The following ISM1 variants were observed in gnomAD, a reference collection of about 807,000 sequenced individuals.
ISM1 encodes the protein isthmin 1, also known as isthmin-1.
In ISM1, 25 loss-of-function variants were observed where a neutral mutation model predicts 46.3. The ratio of observed to expected loss-of-function variants is 0.54; its 90% CI spans 0.39 to 0.75. The LOEUF (loss-of-function observed/expected upper bound fraction) is 0.75, where lower values mean the gene tolerates loss of function less well. Ranked by LOEUF, ISM1 falls within the 30% of genes least tolerant of loss-of-function variation. The pLI, the probability that ISM1 is intolerant of heterozygous loss-of-function variation, is 0.00. For synonymous variants in ISM1, 255 were observed against 256.7 expected (o/e 0.99, Z 0.06); for missense variants, 536 against 625.4 (o/e 0.86, Z 1.52).
At chr20:13,230,307 T>C (rs1409704855) in intron 1 of ISM1, among the ~76,000 whole-genome samples, 1 of 152,230 alleles carries the variant, frequency 6.6e-6, no homozygotes, top group Non-Finnish European at 1.5e-5. Flanking sequence ...CTTTTTTTTC[T>C]TCCCAGAGTT....
the ISM1 span, among the ~76,000 whole-genome samples, chr20:13,309,822 C>G: frequency 1.3e-5 from 2 of 150,800 alleles, no homozygotes; most frequent in Non-Finnish European, 2.9e-5. Flanking sequence ...AAAAAGAAAT[C>G]AAGAAAACAT....
At chr20:13,276,512 T>C (rs933452867) in intron 2 of ISM1, among the ~76,000 whole-genome samples, 3 of 152,258 alleles carry the variant, frequency 2.0e-5, no homozygotes, top group Admixed American at 2.0e-4. Context: ...GGGGAGATTG[T>C]GCCAGAAATT....
intron 2 of ISM1, 144 bp from the exon 3 acceptor site, chr20:13,279,490 T>G: frequency 1.3e-6 from 1 of 791,892 alleles, no homozygotes; most frequent in East Asian, 2.7e-5. Context: ...GGTTTTCCAT[T>G]GTGTATCGCC....
rs1478560898 is a variant in ISM1, at chr20:13,300,120, T to C, written c.*661T>C. On this transcript the variant is annotated 3_prime_UTR_variant, in exon 6 of 6. Transcript: ENST00000262487. ...TCTTCAGACTGGGTAGGGAATATGA[T>C]ATTTTAGGGACAAAGCTGAGGACTG... The C allele has an allele frequency of 6.6e-6, 1 of 152,202 alleles. No individual in the cohort carries two copies. Among genetic ancestry groups the C allele is most frequent in the African/African-American group, 2.4e-5 (1 of 41,438 alleles). The allele number at this position is 152,202 out of a possible 1,614,324, so 9.4% of individuals were successfully genotyped here.
chr20:13,252,033 C>T (rs2039873985), intron 1 of ISM1, among the ~76,000 whole-genome samples: 1 of 152,180 alleles, frequency 6.6e-6, no homozygotes, highest in Non-Finnish European at 1.5e-5. Flanking sequence ...CTGGTTGCTA[C>T]ATGAGCTTTC....
chr20:13,302,055 G>A (rs1226489535), downstream of ISM1, among the ~76,000 whole-genome samples: 1 of 152,142 alleles, frequency 6.6e-6, no homozygotes, highest in East Asian at 1.9e-4. Context: ...CTGAAAACCG[G>A]GAGTTTAAGG....
chr20:13,247,517 G>GGTGTGTGTGTGTGT (rs35224672), intron 1 of ISM1, among the ~76,000 whole-genome samples: 3 of 139,912 alleles, frequency 2.1e-5, no homozygotes, highest in South Asian at 2.3e-4. Flanking sequence ...CAAAGTGAGG[G>GGTGTGTGTGTGTGT]GTGTGTGTGT....
At chr20:13,225,623 A>G (rs1190441635) in intron 1 of ISM1, among the ~76,000 whole-genome samples, 1 of 152,184 alleles carries the variant, frequency 6.6e-6, no homozygotes, top group Non-Finnish European at 1.5e-5. Flanking sequence ...AGTTTTGAGT[A>G]CACTCTCCAT....
In ISM1 at chr20:13,221,357, C is replaced by T. The variant is rs2039443758; in HGVS notation, c.-420C>T. Reference sequence around the variant, plus strand: ...GCCACATCTGGGGCGCCCATGTGCGCTCGGGGGCTCGGCTGCGCCCGCCCC... The same window carrying T: ...GCCACATCTGGGGCGCCCATGTGCGTTCGGGGGCTCGGCTGCGCCCGCCCC... On this transcript the variant is annotated 5_prime_UTR_variant, in exon 1 of 6. Coordinates refer to ENST00000262487, the MANE Select transcript of ISM1 (RefSeq NM_080826.2). 6.8e-6 allele frequency among the ~76,000 whole-genome samples: 1 copy of T among 148,104 alleles called. No individual in the cohort carries two copies. The highest frequency in any genetic ancestry group is 1.5e-5 in the Non-Finnish European group (1 of 66,064).
At chr20:13,226,923 C>T (rs1322120) in intron 1 of ISM1, among the ~76,000 whole-genome samples, 3 of 151,946 alleles carry the variant, frequency 2.0e-5, no homozygotes, top group South Asian at 2.1e-4. Context: ...GAAGAGCATG[C>T]GTACAGGGAG....
At chr20:13,274,077 G>GTGTGTA (rs767273354) in intron 2 of ISM1, among the ~76,000 whole-genome samples, 2 of 150,778 alleles carry the variant, frequency 1.3e-5, no homozygotes, top group African/African-American at 2.4e-5. Context: ...GTGTGTGTGT[G>GTGTGTA]TATGTGTGCA....
At chr20:13,323,797 G>A in the ISM1 span, among the ~76,000 whole-genome samples, 1 of 152,120 alleles carries the variant, frequency 6.6e-6, no homozygotes, top group African/African-American at 2.4e-5. Context: ...TTGAAATGAA[G>A]GCTTCTTTAT....
At chr20:13,314,026 A>C in the ISM1 span, among the ~76,000 whole-genome samples, 2 of 152,194 alleles carry the variant, frequency 1.3e-5, no homozygotes, top group African/African-American at 4.8e-5. Flanking sequence ...ACTGGACTTG[A>C]CTGAAGAAAG....
chr20:13,320,990 G>A, the ISM1 span, among the ~76,000 whole-genome samples: 1 of 151,988 alleles, frequency 6.6e-6, no homozygotes, highest in Non-Finnish European at 1.5e-5. Flanking sequence ...GTTGGGGTCA[G>A]GATTTCGAGA....
intron 1 of ISM1, among the ~76,000 whole-genome samples, chr20:13,237,493 G>C (rs140385889): frequency 6.6e-6 from 1 of 152,150 alleles, no homozygotes; most frequent in African/African-American, 2.4e-5. Flanking sequence ...ATTCTGTTTA[G>C]GTAAAGTTCA....
chr20:13,311,110 C>G, the ISM1 span, among the ~76,000 whole-genome samples: 1 of 152,112 alleles, frequency 6.6e-6, no homozygotes, highest in Admixed American at 6.5e-5. Context: ...GGGAGAATCA[C>G]TTGAACCCGG....
chr20:13,246,529 A>G lies in ISM1; in HGVS notation c.139-23975A>G, dbSNP rs142857330. Among the ~76,000 whole-genome samples, 302 of 152,326 alleles carry G rather than the reference A, an allele frequency of 2.0e-3. 2 individuals are homozygous for G. Among genetic ancestry groups the G allele is most frequent in the African/African-American group, 7.0e-3 (290 of 41,580 alleles). ...TACTTGCATATGGAAAGTGCCCAAG[A>G]AAGTCTGGAAGGTCAGGGAGTGTCG... On this transcript the variant is annotated intron_variant, in intron 1 of 5. Transcript: ENST00000262487.
chr20:13,224,886 C>T lies in ISM1; in HGVS notation c.138+2972C>T, dbSNP rs1232683462. Among the ~76,000 whole-genome samples the T allele has an allele frequency of 3.4e-5, 5 of 146,206 alleles. No homozygotes were observed. In the East Asian group the frequency reaches 7.9e-4, roughly 23 times the overall value. Reference sequence around the variant, plus strand: ...TTTGAGACGCAGTCTTGCTCTGTCGCCCAGGCTGGAGTGCAGTGGCGCGAT... The same window carrying T: ...TTTGAGACGCAGTCTTGCTCTGTCGTCCAGGCTGGAGTGCAGTGGCGCGAT... On this transcript the variant is annotated intron_variant, in intron 1 of 5. Coordinates refer to ENST00000262487, the MANE Select transcript of ISM1 (RefSeq NM_080826.2).
the ISM1 span, among the ~76,000 whole-genome samples, chr20:13,324,472 G>C: frequency 3.8e-4 from 58 of 152,308 alleles, no homozygotes; most frequent in Middle Eastern, 3.4e-3. Context: ...CAGGGGTGTA[G>C]AATTTAAATT....
Sources: allele counts gnomAD v4.1 joint callset (sites outside exome capture counted in the v4.1 genomes callset), GRCh38; gene constraint gnomAD v4.1.1; transcripts MANE v1.5; gene names NCBI Gene and HGNC (gene_info 2026-07-23, HGNC 2026-07-21).